MTCL1: variants seen among roughly 807,000 people sequenced by gnomAD.
The protein encoded by MTCL1 is microtubule crosslinking factor 1, also known as microtubule cross-linking factor 1.
Under a neutral mutation model 141.4 loss-of-function variants are expected in MTCL1, and 79 were observed. That is an observed-to-expected ratio of 0.56 (90% CI 0.47 to 0.67). MTCL1 has a LOEUF of 0.67. MTCL1 is among the 30% of genes least tolerant of loss of function. The pLI is 0.00. For missense variants in MTCL1, 2,177 were observed against 2,113.9 expected (o/e 1.03, Z -0.59); for synonymous variants, 914 against 875.8 (o/e 1.04, Z -0.77).
intron 10 of MTCL1, among the ~76,000 whole-genome samples, chr18:8,799,291 C>T (rs1455538620): frequency 6.6e-6 from 1 of 152,218 alleles, no homozygotes; most frequent in Non-Finnish European, 1.5e-5. Context: ...CAGATGAGGA[C>T]AGGCGGCAAC....
At chr18:8,716,306 G>C (rs141382954), upstream of MTCL1, among the ~76,000 whole-genome samples, 1 of 152,260 alleles carries the variant, frequency 6.6e-6, no homozygotes, top group Non-Finnish European at 1.5e-5. Flanking sequence ...GATGAGTCCT[G>C]GTCAAGTGAG....
chr18:8,792,885 C>T (rs1220234950), intron 7 of MTCL1, 113 bp from the exon 7 acceptor site: 4 of 1,441,906 alleles, frequency 2.8e-6, no homozygotes, highest in South Asian at 1.3e-5. Context: ...AGTGCCCACA[C>T]ATGCTGTGTC....
chr18:8,749,617 G>A (rs1029902282), intron 4 of MTCL1, among the ~76,000 whole-genome samples: 2 of 152,222 alleles, frequency 1.3e-5, no homozygotes, highest in African/African-American at 4.8e-5. Flanking sequence ...CTGAGCTTGG[G>A]CAGATCCAAT....
chr18:8,757,189 A>G (rs908582681), intron 4 of MTCL1, among the ~76,000 whole-genome samples: 4 of 150,666 alleles, frequency 2.7e-5, no homozygotes, highest in African/African-American at 1.0e-4. Context: ...TGCCATGGGC[A>G]GCTGTGGTGT....
chr18:8,733,402 T>TTTTG lies in MTCL1; in HGVS notation c.357+12926_357+12929dup, dbSNP rs565173859. ...TGTCTGTATCTGTGTCGGCCTCATT[T>TTTTG]TTTGTTTGTTTGTTTGTTTGTTTTT... is the stretch of plus-strand genomic sequence containing the variant. On this transcript the variant is annotated intron_variant, in intron 4 of 16. Coordinates refer to ENST00000359865, the Ensembl canonical transcript of MTCL1. Among the ~76,000 whole-genome samples, 366 of 152,186 alleles carry TTTTG rather than the reference T, an allele frequency of 2.4e-3. 2 individuals are homozygous for TTTTG. Among genetic ancestry groups the TTTTG allele is most frequent in the African/African-American group, 8.2e-3 (339 of 41,528 alleles).
intron 4 of MTCL1, among the ~76,000 whole-genome samples, chr18:8,726,726 GA>G (rs1297024073): frequency 1.3e-5 from 2 of 152,144 alleles, no homozygotes; most frequent in African/African-American, 4.8e-5. Flanking sequence ...GGCAAGTTAG[GA>G]GGCTTCTCCA....
At chr18:8,832,132 A>G in exon 17 of MTCL1, 1 of 280,958 alleles carries the variant, frequency 3.6e-6, no homozygotes, top group Non-Finnish European at 6.7e-6. Flanking sequence ...GTACATTTTA[A>G]GAGATTCTGA....
Position 8,825,022 on chromosome 18 carries a change from C to T in MTCL1, c.3512C>T (p.Pro1171Leu), listed in dbSNP as rs149277971. 418 of 1,613,038 alleles carry T rather than the reference C, an allele frequency of 2.6e-4. No individual in the cohort carries two copies. Among genetic ancestry groups the T allele is most frequent in the Non-Finnish European group, 3.4e-4 (403 of 1,180,050 alleles). The change falls in exon 15 of 17, where the codon CCA becomes CTA. Residue 1171 changes from proline to leucine, a missense_variant. By Grantham distance (98) the Pro-to-Leu change is moderately conservative. Coordinates refer to ENST00000359865, the Ensembl canonical transcript of MTCL1. ...ATGACCACGGACACCATGACCAGCC[C>T]AGAGCACTGCCAGAAGCAGCCACTG...
chr18:8,818,291 G>A lies in MTCL1; in HGVS notation c.2860-672G>A, dbSNP rs561244168. Reference sequence around the variant, plus strand: ...GGTGGCCCTGTGCTTGCCCACTACCGCTTCTTGAGTTCAACCAAGTCAGGG... The same window carrying A: ...GGTGGCCCTGTGCTTGCCCACTACCACTTCTTGAGTTCAACCAAGTCAGGG... On this transcript the variant is annotated intron_variant, in intron 12 of 16. Coordinates refer to ENST00000359865, the Ensembl canonical transcript of MTCL1. Among the ~76,000 whole-genome samples, 530 of 119,622 alleles carry A rather than the reference G, an allele frequency of 4.4e-3. 5 individuals carry two copies. Among genetic ancestry groups the A allele is most frequent in the African/African-American group, 0.016 (494 of 30,950 alleles). The allele number at this position is 119,622 out of a possible 152,430, so 78.5% of individuals were successfully genotyped here.
rs572763596 is a variant in MTCL1 at position 8,789,417 on chromosome 18, G to A, written c.1887+3326G>A. On this transcript the variant is annotated intron_variant, in intron 7 of 16. Transcript: ENST00000359865. ...AGCATTGCTAGGCACTCTAGTGATGGCCATGAAAAGCCTTCCTTTTCTGTT... is the reference window on the plus strand; with the variant it reads ...AGCATTGCTAGGCACTCTAGTGATGACCATGAAAAGCCTTCCTTTTCTGTT... The A allele has an allele frequency of 8.8e-5, 87 of 985,388 alleles. 1 individual carries two copies. In the South Asian group the frequency reaches 2.4e-3, roughly 27 times the overall value. 61.0% of individuals were successfully genotyped at this position (985,388 alleles called of 1,614,324 possible). A position where few individuals can be genotyped will look rare whatever the true frequency, so the allele number is the denominator to read the frequency against.
At chr18:8,759,869 G>A (rs1598525988) in intron 4 of MTCL1, among the ~76,000 whole-genome samples, 2 of 152,242 alleles carry the variant, frequency 1.3e-5, no homozygotes, top group South Asian at 2.1e-4. Context: ...CCTGGCAGAG[G>A]GAGGGTGGCG....
chr18:8,821,578 T>C (rs1258233544), intron 14 of MTCL1, 80 bp downstream of exon 13: 3 of 718,130 alleles, frequency 4.2e-6, no homozygotes, highest in Non-Finnish European at 7.0e-6. Context: ...CAATGCAGTC[T>C]ATTTTACCAC....
intron 5 of MTCL1, among the ~76,000 whole-genome samples, chr18:8,780,064 G>A (rs1300387849): frequency 4.6e-5 from 7 of 152,158 alleles, no homozygotes; most frequent in African/African-American, 1.2e-4. Context: ...AGATAAGCAC[G>A]TATAACCTCC....
chr18:8,798,333 G>A, intron 10 of MTCL1, 42 bp downstream of exon 9: 1 of 1,434,286 alleles, frequency 7.0e-7, no homozygotes, highest in Non-Finnish European at 9.1e-7. Context: ...CCCACACCAG[G>A]GAGAGGAGGC....
chr18:8,796,525 T>G, intron 9 of MTCL1, 63 bp downstream of exon 8: 1 of 1,494,490 alleles, frequency 6.7e-7, no homozygotes, highest in African/African-American at 1.4e-5. Context: ...AGACACTGCT[T>G]TCTCCTCACC....
In MTCL1 at chr18:8,779,362, C is replaced by A. The variant is rs1334552127; in HGVS notation, c.417+1470C>A. ...CACATTCCTGGGGCTATCCAATGAT[C>A]TCTCGAAACCAGAAATGATATGCTT... On this transcript the variant is annotated intron_variant, in intron 5 of 16. Coordinates refer to ENST00000359865, the Ensembl canonical transcript of MTCL1. The surrounding 1 kb of genome is among the most constrained non-coding windows in gnomAD (Gnocchi z 4.1). 6.6e-6 allele frequency among the ~76,000 whole-genome samples: 1 copy of A among 152,170 alleles called. No homozygotes were observed. Among genetic ancestry groups the A allele is most frequent in the African/African-American group, 2.4e-5 (1 of 41,440 alleles).
intron 4 of MTCL1, among the ~76,000 whole-genome samples, chr18:8,756,539 A>ATGTG (rs1222085561): frequency 6.9e-6 from 1 of 145,376 alleles, no homozygotes; most frequent in Admixed American, 6.7e-5. Flanking sequence ...GTGTGTATAT[A>ATGTG]TGTGTATATA....
chr18:8,732,099 CT>C (rs2096253498), intron 4 of MTCL1, among the ~76,000 whole-genome samples: 1 of 151,992 alleles, frequency 6.6e-6, no homozygotes, highest in African/African-American at 2.4e-5. Context: ...TAACTTTATT[CT>C]TTTAATCTTC....
intron 5 of MTCL1, among the ~76,000 whole-genome samples, chr18:8,781,893 G>A (rs1363289128): frequency 1.3e-5 from 2 of 152,290 alleles, no homozygotes; most frequent in Admixed American, 6.5e-5. Flanking sequence ...TCATCCTCCC[G>A]AGGACGCACA....
Sources: allele counts gnomAD v4.1 joint callset (sites outside exome capture counted in the v4.1 genomes callset), GRCh38; gene constraint gnomAD v4.1.1; non-coding constraint Gnocchi (gnomAD v3.1); transcripts MANE v1.5; gene names NCBI Gene and HGNC (gene_info 2026-07-23, HGNC 2026-07-21).